The following MT1F variants were observed in gnomAD, a reference collection of about 807,000 sequenced individuals.
The protein encoded by MT1F is metallothionein 1F.
MT1F carries 6 observed loss-of-function variants against 5.4 expected under a neutral mutation model. The ratio of observed to expected loss-of-function variants is 1.11; its 90% confidence interval spans 0.61 to 2.19. The LOEUF (loss-of-function observed/expected upper bound fraction) is 2.19. Among genes scored for constraint, MT1F ranks in the 30% most tolerant of loss-of-function variants. MT1F has a pLI of 0.00. For synonymous variants in MT1F, 28 were observed against 28.3 expected, an observed-to-expected ratio of 0.99 and a Z score of 0.04; for missense variants, 82 against 77.0, an observed-to-expected ratio of 1.07 and a Z score of -0.24.
chr16:56,658,409 G>A (rs1388404700), intron 1 of MT1F: 1 of 591,554 alleles, frequency 1.7e-6, no homozygotes, highest in East Asian at 2.8e-5. Flanking sequence ...GCCTCTTCGG[G>A]GTTCAGGACA....
chr16:56,658,201 C>T (rs540511512), intron 1 of MT1F, 115 bp downstream of exon 1: 1 of 1,190,760 alleles, frequency 8.4e-7, no homozygotes, highest in Non-Finnish European at 1.2e-6. Context: ...GACTCCTTGA[C>T]TTAGTCCAGT....
Position 56,658,949 on chromosome 16 carries a change from A to C in MT1F, c.95-124A>C, listed in dbSNP as rs1960657209. 1.2e-5 allele frequency: 13 copies of C among 1,078,796 alleles called. No individual in the cohort carries two copies. In the South Asian group the frequency reaches 1.4e-4, roughly 12 times the overall value. 66.8% of individuals were successfully genotyped at this position (1,078,796 alleles called of 1,614,324 possible). A position where few individuals can be genotyped will look rare whatever the true frequency, so the allele number is the denominator to read the frequency against. On this transcript the variant is annotated intron_variant, in intron 2 of 2. Coordinates refer to ENST00000334350, the MANE Select transcript of MT1F (RefSeq NM_005949.4). ...CCAGATATTTCCCAGTTGTCTCCTG[A>C]CAAAGCCATACCCTCCTGAACTGAG... is the stretch of plus-strand genomic sequence containing the variant.
chr16:56,658,712 A>G lies in MT1F; in HGVS notation c.66A>G (p.Lys22=), dbSNP rs756022697. 6.2e-7 allele frequency: 1 copy of G among 1,614,212 alleles called. No individual in the cohort carries two copies. The highest frequency in any genetic ancestry group is 8.5e-7 in the Non-Finnish European group (1 of 1,180,030). The change falls in exon 2 of 3, where the codon AAA becomes AAG. Residue 22 remains lysine (K), a synonymous_variant. Transcript: ENST00000334350. The part of the protein sequence containing the change: ...SCTCAGSCKC[K]ECKCTSCKKS... ...CCTGCGCTGGTTCCTGCAAGTGCAA[A>G]GAGTGCAAATGCACCTCCTGCAAGA...
chr16:56,658,848 C>T (rs974839475), intron 2 of MT1F, 108 bp downstream of exon 2: 84 of 1,423,522 alleles, frequency 5.9e-5, no homozygotes, highest in Middle Eastern at 1.7e-4. Context: ...CCTTTGTCCC[C>T]GTAGGTTGTC....
At position 56,657,959 on chromosome 16, in the gene MT1F, A is replaced by T; in HGVS notation, c.-100A>T. 1 of 1,292,326 alleles carries T rather than the reference A, an allele frequency of 7.7e-7. No individual in the cohort carries two copies. Among genetic ancestry groups the T allele is most frequent in the Admixed American group, 1.9e-5 (1 of 51,808 alleles). The allele number at this position is 1,292,326 out of a possible 1,614,324, so 80.1% of individuals were successfully genotyped here. On this transcript the variant is annotated 5_prime_UTR_variant, in exon 1 of 3. Coordinates refer to ENST00000334350, the MANE Select transcript of MT1F (RefSeq NM_005949.4). ...CTGCGCCCGGCCCCCTCCCCTGACT[A>T]TCAAAGCAGCGGCCGGCTGTTGGGG...
Position 56,659,067 on chromosome 16 carries a change from C to G in MT1F, c.95-6C>G. ...TGTGACCTCTCATGCTCCTCTTCTT[C>G]CCCAGGCTGCTGCTCCTGCTGCCCC... On this transcript the variant is annotated splice_polypyrimidine_tract_variant and splice_region_variant and intron_variant, in intron 2 of 2. Coordinates refer to ENST00000334350, the MANE Select transcript of MT1F (RefSeq NM_005949.4). The G allele has an allele frequency of 6.2e-7, 1 of 1,613,178 alleles. No homozygotes were observed. The highest frequency in any genetic ancestry group is 8.5e-7 in the Non-Finnish European group (1 of 1,179,680).
intron 2 of MT1F, 152 bp downstream of exon 2, chr16:56,658,892 G>A (rs549352413): frequency 3.8e-5 from 43 of 1,139,734 alleles, no homozygotes; most frequent in East Asian, 3.1e-4. Flanking sequence ...TGTGCAGGGC[G>A]CCTGGGCAGC....
intron 1 of MT1F, 36 bp downstream of exon 1, chr16:56,658,122 G>A: frequency 6.2e-7 from 1 of 1,612,252 alleles, no homozygotes; most frequent in African/African-American, 1.3e-5. Context: ...GGGGATGCTC[G>A]ATTCCCAGAC....
At chr16:56,658,181 A>G in intron 1 of MT1F, 95 bp downstream of exon 1, 1 of 1,412,440 alleles carries the variant, frequency 7.1e-7, no homozygotes, top group Non-Finnish European at 1.0e-6. Context: ...TTGAGATCTC[A>G]ACTGTAGGGG....
At position 56,659,248 on chromosome 16, in the gene MT1F, G is replaced by GCTA; in HGVS notation, c.*86_*88dup. Reference sequence around the variant, plus strand: ...TTTTTTATACCACCTTGACCCATTTGCTACATTCCTTTTCCTGTGAAATAT... The same window carrying GCTA: ...TTTTTTATACCACCTTGACCCATTTGCTACTACATTCCTTTTCCTGTGAAATAT... On this transcript the variant is annotated 3_prime_UTR_variant, in exon 3 of 3. Transcript: ENST00000334350. The GCTA allele has an allele frequency of 7.7e-7, 1 of 1,298,362 alleles. No individual in the cohort carries two copies. Among genetic ancestry groups the GCTA allele is most frequent in the Non-Finnish European group, 1.1e-6 (1 of 907,424 alleles). 80.4% of individuals were successfully genotyped at this position (1,298,362 alleles called of 1,614,324 possible).
rs751445500 is a variant in MT1F at position 56,658,693 on chromosome 16, C to A, written c.47C>A (p.Ala16Asp). 16 of 1,614,106 alleles carry A rather than the reference C, an allele frequency of 9.9e-6. No homozygotes were observed. The African/African-American group carries it at 1.6e-4, about 16-fold the overall frequency. The change falls in exon 2 of 3, where the codon GCT (alanine) becomes GAT (aspartate). Residue 16 changes from alanine (A) to aspartate (D), a missense_variant. Physicochemically the swap from Ala to Asp is moderately radical, Grantham distance 126 (BLOSUM62 -2). Coordinates refer to ENST00000334350, the MANE Select transcript of MT1F (RefSeq NM_005949.4). The part of the protein sequence containing the change: ...SCAAGVSCTC[A>D]GSCKCKECKC... ...CTCGCAGGTGTCTCCTGCACCTGCG[C>A]TGGTTCCTGCAAGTGCAAAGAGTGC...
Position 56,659,140 on chromosome 16 carries a change from A to C in MT1F, c.162A>C (p.Ser54=). 1 of 1,614,178 alleles carries C rather than the reference A, an allele frequency of 6.2e-7. No homozygotes were observed. The highest frequency in any genetic ancestry group is 8.5e-7 in the Non-Finnish European group (1 of 1,179,996). ...CAQGCVCKGA[S]EKCSCCD is the part of the protein sequence containing the mutation. ...AGGGCTGTGTTTGCAAAGGGGCGTC[A>C]GAGAAGTGCAGCTGCTGCGACTGAT... Residue 54 remains serine, a synonymous_variant, in exon 3 of 3, where the codon TCA becomes TCC. Coordinates refer to ENST00000334350, the MANE Select transcript of MT1F (RefSeq NM_005949.4).
intron 1 of MT1F, chr16:56,658,315 C>T: frequency 1.7e-6 from 1 of 600,724 alleles, no homozygotes; most frequent in South Asian, 2.1e-5. Context: ...CCACGTCATG[C>T]GGTTTGTCCC....
chr16:56,659,159 G>A lies in MT1F; in HGVS notation c.181G>A (p.Asp61Asn), dbSNP rs1160232836. Reference sequence around the variant, plus strand: ...GGCGTCAGAGAAGTGCAGCTGCTGCGACTGATGCCAGGACAACCTTTCTCC... The same window carrying A: ...GGCGTCAGAGAAGTGCAGCTGCTGCAACTGATGCCAGGACAACCTTTCTCC... ...KGASEKCSCC[D>N] The change falls in exon 3 of 3, where the codon GAC becomes AAC. Residue 61 changes from aspartate to asparagine, a missense_variant. Asp to Asn is a conservative substitution (Grantham distance 23). Coordinates refer to ENST00000334350, the MANE Select transcript of MT1F (RefSeq NM_005949.4). 6.2e-6 allele frequency: 10 copies of A among 1,613,952 alleles called. No individual in the cohort carries two copies. Among genetic ancestry groups the A allele is most frequent in the Non-Finnish European group, 7.6e-6 (9 of 1,179,968 alleles).
chr16:56,658,976 G>T (rs1248099166), intron 2 of MT1F, 97 bp from the exon 3 acceptor site: 2 of 1,163,346 alleles, frequency 1.7e-6, no homozygotes, highest in African/African-American at 3.1e-5. Context: ...TGAACTGAGG[G>T]TCCTTTGTGG....
At chr16:56,658,405 T>A (rs1365423123) in intron 1 of MT1F, 9 of 590,408 alleles carry the variant, frequency 1.5e-5, no homozygotes, top group Non-Finnish European at 2.7e-5. Flanking sequence ...CATTGCCTCT[T>A]CGGGGTTCAG....
intron 1 of MT1F, 127 bp downstream of exon 1, chr16:56,658,213 C>A: frequency 9.3e-7 from 1 of 1,080,946 alleles, no homozygotes; most frequent in Non-Finnish European, 1.4e-6. Context: ...TAGTCCAGTG[C>A]TTTCCTCTTG....
chr16:56,659,047 C>A (rs747581771), intron 2 of MT1F, 26 bp from the exon 3 acceptor site: 11 of 1,605,882 alleles, frequency 6.8e-6, no homozygotes, highest in South Asian at 2.2e-5. Context: ...TTGGCTGTGA[C>A]CTCTCATGCT....
intron 1 of MT1F, chr16:56,658,381 T>G: frequency 3.4e-6 from 2 of 586,634 alleles, no homozygotes; most frequent in South Asian, 2.1e-5. Flanking sequence ...CAGGATTAGA[T>G]AGGAGGCAGG....
Sources: gnomAD v4.1 joint callset for allele counts on GRCh38, gnomAD v4.1.1 for gene constraint, MANE v1.5 for transcripts, NCBI Gene and HGNC (gene_info 2026-07-23, HGNC 2026-07-21) for gene names.